Variants in BRD4 observed in about 807,000 individuals in gnomAD.
BRD4 encodes bromodomain-containing protein 4.
A neutral mutation model predicts 142.1 loss-of-function variants in BRD4; 16 were observed. The ratio of observed to expected loss-of-function variants is 0.11; its 90% CI spans 0.08 to 0.17. The LOEUF (loss-of-function observed/expected upper bound fraction) is 0.17. BRD4 is among the 10% of genes least tolerant of loss of function. BRD4 has a pLI of 1.00. For synonymous variants in BRD4, 833 were observed against 707.5 expected (o/e 1.18, Z -2.82); for missense variants, 1,424 against 1,810.9 (o/e 0.79, Z 3.88).
chr19:15,260,783 A>C (rs2145586365), intron 7 of BRD4, among the ~76,000 whole-genome samples: 1 of 149,390 alleles, frequency 6.7e-6, no homozygotes, highest in South Asian at 2.2e-4. Flanking sequence ...CTCCCCTCTC[A>C]GAAGGAGAAA....
chr19:15,277,004 G>T (rs955556885), intron 1 of BRD4, among the ~76,000 whole-genome samples: 1 of 152,032 alleles, frequency 6.6e-6, no homozygotes, highest in Non-Finnish European at 1.5e-5. Flanking sequence ...TGGGGGTCAG[G>T]CAGGCAGTGG....
chr19:15,324,689 C>G (rs2048092835), intron 1 of BRD4, among the ~76,000 whole-genome samples: 1 of 152,172 alleles, frequency 6.6e-6, no homozygotes, highest in African/African-American at 2.4e-5. Context: ...GCTCCCTGAC[C>G]AAGTCTTTGT....
chr19:15,272,374 G>A (rs1403664611), intron 2 of BRD4, among the ~76,000 whole-genome samples: 3 of 152,260 alleles, frequency 2.0e-5, no homozygotes, highest in South Asian at 4.2e-4. Context: ...TGACAGTGAC[G>A]ATGATGCTAG....
At chr19:15,310,984 CAT>C (rs1029046770) in intron 1 of BRD4, among the ~76,000 whole-genome samples, 7 of 152,136 alleles carry the variant, frequency 4.6e-5, no homozygotes, top group South Asian at 4.1e-4. Flanking sequence ...TTAGTTCTAA[CAT>C]GTGTTCAAAA....
chr19:15,296,868 T>C (rs1445586783), intron 1 of BRD4, among the ~76,000 whole-genome samples: 4 of 152,230 alleles, frequency 2.6e-5, no homozygotes, highest in South Asian at 2.1e-4. Context: ...CCTGGTTCTC[T>C]AGGCATATAA....
At chr19:15,329,744 T>A (rs2048140948) in intron 1 of BRD4, among the ~76,000 whole-genome samples, 1 of 151,848 alleles carries the variant, frequency 6.6e-6, no homozygotes, top group Non-Finnish European at 1.5e-5. Flanking sequence ...CTCAAAAAAA[T>A]AAAAAATAAA....
rs190643958 is a variant in BRD4, at chr19:15,255,205, G to C, written c.2047+92C>G. 1.1e-3 allele frequency: 1,429 copies of C among 1,275,674 alleles called. 21 individuals are homozygous for C. The Admixed American group carries it at 0.021, about 19-fold the overall frequency. 79.0% of individuals were successfully genotyped at this position (1,275,674 alleles called of 1,614,324 possible). On this transcript the variant is annotated intron_variant, in intron 10 of 19. Coordinates refer to ENST00000679869, the MANE Select transcript of BRD4 (RefSeq NM_001379291.1). ...TTATAATTGGAAAAAAAAAAGGGGGGGGGCGCAGAAAGAGTGGACTGAGCA... is the reference window on the plus strand; with the variant it reads ...TTATAATTGGAAAAAAAAAAGGGGGCGGGCGCAGAAAGAGTGGACTGAGCA...
intron 7 of BRD4, among the ~76,000 whole-genome samples, chr19:15,262,947 G>A (rs1698469691): frequency 6.6e-6 from 1 of 152,102 alleles, no homozygotes; most frequent in African/African-American, 2.4e-5. Flanking sequence ...CTCTCAACTT[G>A]AAGGAAGTGA....
rs1457191370 is a variant in BRD4 at position 15,327,928 on chromosome 19, G to GGGGT, written c.-35+4361_-35+4362insACCC. Among the ~76,000 whole-genome samples the GGGGT allele has an allele frequency of 3.6e-4, 39 of 109,800 alleles. 4 individuals carry two copies. The East Asian group carries it at 0.012, about 33-fold the overall frequency. 72.0% of individuals were successfully genotyped at this position (109,800 alleles called of 152,430 possible). A position where few individuals can be genotyped will look rare whatever the true frequency, so the allele number is the denominator to read the frequency against. Reference sequence around the variant, plus strand: ...GTAATGGATTTCTTTTGGGGGGGGGGGGTGGAAATGTCCTAAAATTGGTTG... The same window carrying GGGGT: ...GTAATGGATTTCTTTTGGGGGGGGGGGGGTGGTGGAAATGTCCTAAAATTGGTTG... On this transcript the variant is annotated intron_variant, in intron 1 of 19. Transcript: ENST00000679869.
chr19:15,255,730 A>G, intron 9 of BRD4, 138 bp from the exon 10 acceptor site: 2 of 1,153,244 alleles, frequency 1.7e-6, no homozygotes, highest in Non-Finnish European at 2.4e-6. Context: ...GAAACGGGGC[A>G]TGGGCAACTC....
chr19:15,256,977 T>A lies in BRD4; in HGVS notation c.1538A>T (p.Glu513Val). ...SEEERAQRLA[E>V]LQEQLKAVHE... ...CAATGCCCTCACCTGCTCCTGGAGC[T>A]CAGCCAGCCGCTGGGCTCGCTCCTC... Residue 513 changes from glutamate to valine, a missense_variant, in exon 8 of 20, where the codon GAG becomes GTG. By Grantham distance (121) the Glu-to-Val change is moderately radical. Transcript: ENST00000679869. 6.4e-7 allele frequency: 1 copy of A among 1,574,080 alleles called. No homozygotes were observed. The highest frequency in any genetic ancestry group is 8.6e-7 in the Non-Finnish European group (1 of 1,160,796).
At chr19:15,245,338 G>A (rs761645876) in intron 11 of BRD4, among the ~76,000 whole-genome samples, 7 of 152,156 alleles carry the variant, frequency 4.6e-5, no homozygotes, top group Non-Finnish European at 7.4e-5. Flanking sequence ...GCCACAGGAC[G>A]GTGAGGAACA....
chr19:15,303,411 CG>C (rs1021627108), intron 1 of BRD4, among the ~76,000 whole-genome samples: 6 of 151,806 alleles, frequency 4.0e-5, no homozygotes, highest in Admixed American at 3.9e-4. Flanking sequence ...GGGGATGGGG[CG>C]GGGGGAGAAG....
At chr19:15,285,726 A>C (rs778591551) in intron 1 of BRD4, among the ~76,000 whole-genome samples, 4 of 152,196 alleles carry the variant, frequency 2.6e-5, no homozygotes, top group Non-Finnish European at 5.9e-5. Context: ...GCTAATTTTT[A>C]TTACTACTTT....
At chr19:15,260,382 G>A (rs2047456129) in intron 7 of BRD4, among the ~76,000 whole-genome samples, 1 of 152,220 alleles carries the variant, frequency 6.6e-6, no homozygotes, top group Admixed American at 6.5e-5. Context: ...CTTCCCTGAT[G>A]GAGAATTTGC....
chr19:15,305,131 G>A (rs759437381), intron 1 of BRD4, among the ~76,000 whole-genome samples: 3 of 147,646 alleles, frequency 2.0e-5, no homozygotes, highest in African/African-American at 5.0e-5. Flanking sequence ...CGATTCTCCC[G>A]CCTCAGCCTC....
In BRD4 at chr19:15,312,689, A is replaced by G. The variant is rs368355787; in HGVS notation, c.-35+19601T>C. 1.5e-3 allele frequency among the ~76,000 whole-genome samples: 228 copies of G among 151,936 alleles called. 3 individuals are homozygous for G. The highest frequency in any genetic ancestry group is 5.4e-3 in the African/African-American group (224 of 41,434). On this transcript the variant is annotated intron_variant, in intron 1 of 19. Coordinates refer to ENST00000679869, the MANE Select transcript of BRD4 (RefSeq NM_001379291.1). Reference sequence around the variant, plus strand: ...GGTGGCTCACATCTGCAATCCTAGAACTTTGGGAGGCTGAGGTAGGTGAAC... The same window carrying G: ...GGTGGCTCACATCTGCAATCCTAGAGCTTTGGGAGGCTGAGGTAGGTGAAC...
At chr19:15,318,698 A>C (rs1313975875) in intron 1 of BRD4, among the ~76,000 whole-genome samples, 3 of 152,236 alleles carry the variant, frequency 2.0e-5, no homozygotes, top group Non-Finnish European at 4.4e-5. Context: ...GCTAGGAACC[A>C]TTCAGTTACC....
Position 15,237,047 on chromosome 19 carries a change from G to C in BRD4, c.*1330C>G, listed in dbSNP as rs557252337. ...AAAAAAAAAAAAAAAAGCATGGGCA[G>C]GAGCGGCCAGCTGGTTGGGGCTGGG... On this transcript the variant is annotated 3_prime_UTR_variant, in exon 20 of 20. Transcript: ENST00000679869. 1 of 208,396 alleles carries C rather than the reference G, an allele frequency of 4.8e-6. No individual in the cohort carries two copies. Among genetic ancestry groups the C allele is most frequent in the African/African-American group, 2.3e-5 (1 of 43,322 alleles). The allele number at this position is 208,396 out of a possible 1,614,324, so 12.9% of individuals were successfully genotyped here. A position where few individuals can be genotyped will look rare whatever the true frequency, so the allele number is the denominator to read the frequency against.
Sources: gnomAD v4.1 joint callset for allele counts (sites outside exome capture counted in the v4.1 genomes callset) on GRCh38, gnomAD v4.1.1 for gene constraint, MANE v1.5 for transcripts, NCBI Gene and HGNC (gene_info 2026-07-23, HGNC 2026-07-21) for gene names.